Variants in CNDP1 observed in about 807,000 individuals in gnomAD.
CNDP1 encodes the protein beta-Ala-His dipeptidase.
CNDP1 carries 44 observed loss-of-function variants against 58.1 expected under a neutral mutation model. That is an observed-to-expected ratio of 0.76 (90% CI 0.60 to 0.97). CNDP1 has a LOEUF of 0.97. Among genes scored for constraint, CNDP1 ranks in the 50% least tolerant of loss-of-function variants. CNDP1 has a pLI of 0.00. For synonymous variants in CNDP1, 254 were observed against 252.6 expected (o/e 1.01, Z -0.05); for missense variants, 616 against 655.1 (o/e 0.94, Z 0.65).
intron 6 of CNDP1, among the ~76,000 whole-genome samples, chr18:74,570,463 C>T (rs1981451816): frequency 6.6e-6 from 1 of 152,044 alleles, no homozygotes; most frequent in African/African-American, 2.4e-5. Flanking sequence ...ACATCCTGGT[C>T]GTTTTATGAC....
chr18:74,542,958 A>T (rs1293814869), intron 1 of CNDP1, among the ~76,000 whole-genome samples: 1 of 152,272 alleles, frequency 6.6e-6, no homozygotes, highest in Non-Finnish European at 1.5e-5. Context: ...AATGACTGTC[A>T]TTCAAGTTGA....
intron 11 of CNDP1, 115 bp downstream of exon 11, chr18:74,583,823 T>C: frequency 1.9e-6 from 2 of 1,051,706 alleles, no homozygotes; most frequent in Non-Finnish European, 1.4e-6. Flanking sequence ...TCGTCCAGAC[T>C]GGGAGCTTAA....
At chr18:74,549,806 A>G (rs886981204) in intron 1 of CNDP1, among the ~76,000 whole-genome samples, 1 of 152,216 alleles carries the variant, frequency 6.6e-6, no homozygotes, top group African/African-American at 2.4e-5. Context: ...CAGACCTGGG[A>G]CAGCACTGCT....
chr18:74,542,124 G>A (rs113989443), intron 1 of CNDP1, among the ~76,000 whole-genome samples: 1 of 152,296 alleles, frequency 6.6e-6, no homozygotes, highest in East Asian at 1.9e-4. Flanking sequence ...TGCCTGGGGC[G>A]GTCTTGTTAC....
At chr18:74,571,727 G>A (rs534568333) in intron 7 of CNDP1, among the ~76,000 whole-genome samples, 276 of 152,284 alleles carry the variant, frequency 1.8e-3, no homozygotes, top group African/African-American at 5.9e-3. Flanking sequence ...AAGGAACTAA[G>A]CGACACACCA....
chr18:74,582,795 C>T (rs1302466275), intron 10 of CNDP1, among the ~76,000 whole-genome samples: 1 of 152,102 alleles, frequency 6.6e-6, no homozygotes, highest in African/African-American at 2.4e-5. Flanking sequence ...AGGGAAAGAC[C>T]GGTGAAATTG....
Position 74,534,595 on chromosome 18 carries a change from C to A in CNDP1, c.-73C>A. 5 of 1,515,550 alleles carry A rather than the reference C, an allele frequency of 3.3e-6. No homozygotes were observed. The highest frequency in any genetic ancestry group is 2.3e-5 in the East Asian group (1 of 44,374). The allele number at this position is 1,515,550 out of a possible 1,614,324, so 93.9% of individuals were successfully genotyped here. On this transcript the variant is annotated 5_prime_UTR_variant, in exon 1 of 12. Coordinates refer to ENST00000358821, the MANE Select transcript of CNDP1 (RefSeq NM_032649.6). ...GATATTTAATGTCACCCTCTTGGGG[C>A]TTTCATGGGACTCCCTCTGCCACAT...
chr18:74,583,390 T>C lies in CNDP1; in HGVS notation c.1310-171T>C, dbSNP rs541732728. Among the ~76,000 whole-genome samples the C allele has an allele frequency of 2.0e-3, 304 of 152,210 alleles. 1 individual carries two copies. Among genetic ancestry groups the C allele is most frequent in the African/African-American group, 7.0e-3 (290 of 41,516 alleles). ...CTCTAGTGTCTATCTTAGAATATAATTGCATGATATCAAGGGGCTTCCTTA... is the reference window on the plus strand; with the variant it reads ...CTCTAGTGTCTATCTTAGAATATAACTGCATGATATCAAGGGGCTTCCTTA... On this transcript the variant is annotated intron_variant, in intron 10 of 11. Transcript: ENST00000358821.
intron 1 of CNDP1, among the ~76,000 whole-genome samples, chr18:74,555,996 T>G (rs968289734): frequency 4.6e-5 from 7 of 152,136 alleles, no homozygotes; most frequent in Non-Finnish European, 1.0e-4. Context: ...CTCTTTTCTC[T>G]CTTGTAAAGA....
chr18:74,541,787 T>G (rs1405448664), intron 1 of CNDP1, among the ~76,000 whole-genome samples: 1 of 152,160 alleles, frequency 6.6e-6, no homozygotes, highest in East Asian at 1.9e-4. Context: ...CAATTCTCAA[T>G]TGCTCTTTCA....
In CNDP1 at chr18:74,567,767, C is replaced by T. The variant is rs535159102; in HGVS notation, c.756+334C>T. On this transcript the variant is annotated intron_variant, in intron 6 of 11. Transcript: ENST00000358821. ...GCCACAGGGAGGTAAGCAGACTGCG[C>T]GATCAATGCAGGGGCAACTGTGCTG... Among the ~76,000 whole-genome samples the T allele has an allele frequency of 5.9e-5, 9 of 152,294 alleles. No individual in the cohort carries two copies. The East Asian group carries it at 1.2e-3, about 20-fold the overall frequency.
intron 5 of CNDP1, among the ~76,000 whole-genome samples, chr18:74,565,220 A>G (rs1981297512): frequency 6.6e-6 from 1 of 152,198 alleles, no homozygotes. Context: ...AACATGTAGG[A>G]ATTCTGGGAG....
chr18:74,565,000 C>A (rs568225436), intron 5 of CNDP1, among the ~76,000 whole-genome samples: 1 of 152,224 alleles, frequency 6.6e-6, no homozygotes, highest in Non-Finnish European at 1.5e-5. Flanking sequence ...ATTGGACTTA[C>A]AGTTCCATAT....
At chr18:74,562,185 A>G (rs376790102) in intron 5 of CNDP1, 50 bp downstream of exon 5, 42 of 1,554,014 alleles carry the variant, frequency 2.7e-5, no homozygotes, top group Non-Finnish European at 3.6e-5. Flanking sequence ...TGGTAACGAC[A>G]ACTTTCTTTG....
intron 6 of CNDP1, among the ~76,000 whole-genome samples, chr18:74,569,248 T>C (rs12326826): frequency 0.28 from 42,208 of 151,964 alleles, 6,077 homozygotes; most frequent in East Asian, 0.42. Flanking sequence ...ATACCGAAGA[T>C]TGCTCTGGTG....
rs574774182 is a variant in CNDP1 at position 74,560,713 on chromosome 18, G to A, written c.304-143G>A. ...AGAAAAGAAAAAAGAAAAAAAAAGTGTTTCATGGGACTCATTTTAGAGATG... is the reference window on the plus strand; with the variant it reads ...AGAAAAGAAAAAAGAAAAAAAAAGTATTTCATGGGACTCATTTTAGAGATG... On this transcript the variant is annotated intron_variant, in intron 3 of 11. Transcript: ENST00000358821. The A allele has an allele frequency of 4.3e-5, 34 of 790,088 alleles. No homozygotes were observed. In the Admixed American group the frequency reaches 6.8e-4, roughly 16 times the overall value. 48.9% of individuals were successfully genotyped at this position (790,088 alleles called of 1,614,324 possible). A position where few individuals can be genotyped will look rare whatever the true frequency, so the allele number is the denominator to read the frequency against.
At chr18:74,541,929 G>A (rs567797061) in intron 1 of CNDP1, among the ~76,000 whole-genome samples, 1 of 152,204 alleles carries the variant, frequency 6.6e-6, no homozygotes, top group Non-Finnish European at 1.5e-5. Context: ...ACCTCAGAAG[G>A]AATGGGGCGC....
chr18:74,567,484 G>A lies in CNDP1; in HGVS notation c.756+51G>A, dbSNP rs1409443620. 4 of 1,449,796 alleles carry A rather than the reference G, an allele frequency of 2.8e-6. No homozygotes were observed. In the African/African-American group the frequency reaches 5.6e-5, roughly 20 times the overall value. The allele number at this position is 1,449,796 out of a possible 1,614,324, so 89.8% of individuals were successfully genotyped here. On this transcript the variant is annotated intron_variant, in intron 6 of 11. Transcript: ENST00000358821. Reference sequence around the variant, plus strand: ...TGGAGGCCTGTGGGGGTTGTGAATGGGAGCACCAATCCATTCTGGGATCTT... The same window carrying A: ...TGGAGGCCTGTGGGGGTTGTGAATGAGAGCACCAATCCATTCTGGGATCTT...
At chr18:74,573,483 A>AATCTATC in intron 7 of CNDP1, among the ~76,000 whole-genome samples, 1 of 149,110 alleles carries the variant, frequency 6.7e-6, no homozygotes, top group South Asian at 2.1e-4. Flanking sequence ...TAATCTATCT[A>AATCTATC]TTCTTCTATG....
Sources: gnomAD v4.1 joint callset for allele counts (sites outside exome capture counted in the v4.1 genomes callset) on GRCh38, gnomAD v4.1.1 for gene constraint, MANE v1.5 for transcripts, NCBI Gene and HGNC (gene_info 2026-07-23, HGNC 2026-07-21) for gene names.